GPC5: variants seen among roughly 807,000 people sequenced by gnomAD.
GPC5 encodes glypican-5.
In GPC5, 47 loss-of-function variants were observed where a neutral mutation model predicts 53.9. That is an observed-to-expected ratio of 0.87 (90% CI 0.69 to 1.11). The LOEUF (loss-of-function observed/expected upper bound fraction) is 1.11. GPC5 is among the 50% of genes most tolerant of loss of function. The pLI is 0.00. For synonymous variants in GPC5, 286 were observed against 263.3 expected (o/e 1.09, Z -0.84); for missense variants, 748 against 713.1 (o/e 1.05, Z -0.56).
chr13:91,886,626 G>T (rs9560880), intron 5 of GPC5, among the ~76,000 whole-genome samples: 9,690 of 152,226 alleles, frequency 0.064, 496 homozygotes, highest in East Asian at 0.22. Flanking sequence ...ACAGGCATTG[G>T]GTACTCCCAA....
At chr13:91,568,561 GAA>G (rs565705289) in intron 2 of GPC5, among the ~76,000 whole-genome samples, 1 of 141,264 alleles carries the variant, frequency 7.1e-6, no homozygotes. Context: ...AGCTTTTATT[GAA>G]AAAAAAAAAG....
chr13:92,521,004 C>G (rs1881021404), intron 7 of GPC5, among the ~76,000 whole-genome samples: 1 of 152,166 alleles, frequency 6.6e-6, no homozygotes, highest in Non-Finnish European at 1.5e-5. Flanking sequence ...AGAGCCAAAT[C>G]ATGAGTGAAC....
At chr13:92,260,802 A>T (rs1302399838) in intron 7 of GPC5, among the ~76,000 whole-genome samples, 3 of 152,102 alleles carry the variant, frequency 2.0e-5, no homozygotes, top group Non-Finnish European at 4.4e-5. Context: ...CTGTCTTATT[A>T]CTTGATTTAA....
At chr13:92,108,698 T>C (rs1487853727) in intron 6 of GPC5, among the ~76,000 whole-genome samples, 1 of 152,224 alleles carries the variant, frequency 6.6e-6, no homozygotes, top group African/African-American at 2.4e-5. Flanking sequence ...CCTGTGGTAG[T>C]AAATACTCAA....
intron 5 of GPC5, among the ~76,000 whole-genome samples, chr13:91,778,524 G>A (rs1205270546): frequency 6.6e-6 from 1 of 152,006 alleles, no homozygotes; most frequent in Non-Finnish European, 1.5e-5. Context: ...GTTCCATCCT[G>A]GCATAACTTA....
chr13:91,955,980 C>T (rs1484626756), intron 6 of GPC5, among the ~76,000 whole-genome samples: 1 of 152,208 alleles, frequency 6.6e-6, no homozygotes, highest in South Asian at 2.1e-4. Context: ...GAAGTACACA[C>T]TCTCCAGCTG....
intron 6 of GPC5, among the ~76,000 whole-genome samples, chr13:92,076,385 A>G (rs1040920722): frequency 1.3e-5 from 2 of 152,052 alleles, no homozygotes; most frequent in Non-Finnish European, 2.9e-5. Flanking sequence ...TATAATTTTC[A>G]TAGTTTCTTA....
At chr13:92,087,786 C>T (rs528339147) in intron 6 of GPC5, among the ~76,000 whole-genome samples, 10 of 152,224 alleles carry the variant, frequency 6.6e-5, no homozygotes, top group Admixed American at 2.0e-4. Flanking sequence ...TACCTGTAAA[C>T]ATGACTGAGG....
At chr13:91,674,308 C>T (rs2035317491) in intron 2 of GPC5, among the ~76,000 whole-genome samples, 1 of 151,566 alleles carries the variant, frequency 6.6e-6, no homozygotes, top group African/African-American at 2.4e-5. Context: ...GTGGATGGAC[C>T]TCATCTAATC....
In GPC5 at chr13:92,303,479, A is replaced by C. The variant is rs551571519; in HGVS notation, c.1561+158490A>C. On this transcript the variant is annotated intron_variant, in intron 7 of 7. Coordinates refer to ENST00000377067, the MANE Select transcript of GPC5 (RefSeq NM_004466.6). The stretch of plus-strand genomic sequence containing the variant: ...CAGTAATTGAAAAAAAAAATGGTGG[A>C]AATAATACTAAAAATTTAAGACACA... Among the ~76,000 whole-genome samples the C allele has an allele frequency of 3.9e-5, 6 of 152,052 alleles. No homozygotes were observed. In the South Asian group the frequency reaches 1.2e-3, roughly 32 times the overall value.
chr13:91,924,690 G>A (rs747844640), intron 6 of GPC5, among the ~76,000 whole-genome samples: 15 of 152,092 alleles, frequency 9.9e-5, no homozygotes, highest in African/African-American at 2.2e-4. Flanking sequence ...GTGGTGAGCC[G>A]TGATTATGCC....
At chr13:92,289,280 C>A (rs928359229) in intron 7 of GPC5, among the ~76,000 whole-genome samples, 2 of 152,068 alleles carry the variant, frequency 1.3e-5, no homozygotes, top group Non-Finnish European at 2.9e-5. Flanking sequence ...CCTTCCACCC[C>A]AGTCCCAACC....
At chr13:91,588,463 GC>G (rs1452805309) in intron 2 of GPC5, among the ~76,000 whole-genome samples, 1 of 152,026 alleles carries the variant, frequency 6.6e-6, no homozygotes, top group Non-Finnish European at 1.5e-5. Context: ...GAATGATAGT[GC>G]CACTTTTATG....
At chr13:91,668,440 C>T (rs186545070) in intron 2 of GPC5, among the ~76,000 whole-genome samples, 4 of 152,282 alleles carry the variant, frequency 2.6e-5, no homozygotes, top group East Asian at 1.9e-4. Context: ...TGTGGTATTG[C>T]AAATTCTTAA....
At chr13:92,103,210 CAG>C (rs2041480900) in intron 6 of GPC5, among the ~76,000 whole-genome samples, 1 of 151,918 alleles carries the variant, frequency 6.6e-6, no homozygotes, top group Non-Finnish European at 1.5e-5. Context: ...GTTGTAGAAA[CAG>C]TGAGGAGGTT....
chr13:91,819,757 A>G (rs1402575572), intron 5 of GPC5, among the ~76,000 whole-genome samples: 1 of 152,170 alleles, frequency 6.6e-6, no homozygotes, highest in Non-Finnish European at 1.5e-5. Flanking sequence ...TCTGCAATGC[A>G]TACTGAGGAG....
At chr13:92,451,691 T>C (rs1275203916) in intron 7 of GPC5, among the ~76,000 whole-genome samples, 1 of 152,208 alleles carries the variant, frequency 6.6e-6, no homozygotes, top group Non-Finnish European at 1.5e-5. Context: ...ATCTTGTTTT[T>C]AGTGTACTTA....
intron 7 of GPC5, among the ~76,000 whole-genome samples, chr13:92,344,026 A>G (rs1257878120): frequency 1.3e-5 from 2 of 152,094 alleles, no homozygotes; most frequent in African/African-American, 4.8e-5. Flanking sequence ...GCCTGCTTCA[A>G]ACCTCAACAT....
intron 7 of GPC5, among the ~76,000 whole-genome samples, chr13:92,361,349 A>T (rs2043565275): frequency 6.6e-6 from 1 of 151,614 alleles, no homozygotes; most frequent in Non-Finnish European, 1.5e-5. Flanking sequence ...TTGCTGTCTT[A>T]CCTGGACCCG....
Sources: allele counts gnomAD v4.1 joint callset (sites outside exome capture counted in the v4.1 genomes callset), GRCh38; gene constraint gnomAD v4.1.1; transcripts MANE v1.5; gene names NCBI Gene and HGNC (gene_info 2026-07-23, HGNC 2026-07-21).